The following OR14A2 variants were observed in gnomAD, a reference collection of about 807,000 sequenced individuals.
OR14A2 encodes olfactory receptor family 14 subfamily A member 2, also known as olfactory receptor 14A2.
For missense variants in OR14A2, 237 were observed against 152.9 expected, an observed-to-expected ratio of 1.55 and a Z score of -2.90; for synonymous variants, 114 against 58.6, an observed-to-expected ratio of 1.95 and a Z score of -4.32.
the OR14A2 span, among the ~76,000 whole-genome samples, chr1:247,741,279 T>G: frequency 4.3e-3 from 656 of 152,352 alleles, 1 homozygote; most frequent in African/African-American, 0.015. Context: ...ATCTAATGCC[T>G]GCATGGAAAG....
exon 1 of OR14A2, chr1:247,723,166 T>C: frequency 1.4e-6 from 1 of 717,702 alleles, no homozygotes; most frequent in African/African-American, 1.7e-5. Flanking sequence ...TTTCATGTCA[T>C]TGTTCCGCAG....
exon 1 of OR14A2, chr1:247,723,157 T>G (rs1660240287): frequency 1.4e-6 from 1 of 717,636 alleles, no homozygotes. Context: ...CAGAGCACAT[T>G]TCATGTCATT....
the OR14A2 span, chr1:247,739,608 A>G: frequency 8.5e-6 from 6 of 707,234 alleles, no homozygotes; most frequent in Non-Finnish European, 1.6e-5. Context: ...TTGTTCTGCC[A>G]TCCACTAGCT....
At chr1:247,727,830 G>T (rs569403113), upstream of OR14A2, among the ~76,000 whole-genome samples, 909 of 148,444 alleles carry the variant, frequency 6.1e-3, 4 homozygotes, top group Non-Finnish European at 9.4e-3. Context: ...TAGAAGAAAT[G>T]GATAAATTCC....
chr1:247,727,710 A>G (rs1660410602), upstream of OR14A2, among the ~76,000 whole-genome samples: 1 of 148,200 alleles, frequency 6.7e-6, no homozygotes, highest in African/African-American at 2.6e-5. Context: ...AGAAGAATCA[A>G]ATAGACACAA....
the OR14A2 span, among the ~76,000 whole-genome samples, chr1:247,745,938 G>A: frequency 6.6e-6 from 1 of 152,212 alleles, no homozygotes; most frequent in African/African-American, 2.4e-5. Flanking sequence ...TCTTTCCAAG[G>A]GCAGGATGGT....
chr1:247,734,418 A>T, the OR14A2 span, among the ~76,000 whole-genome samples: 2 of 152,202 alleles, frequency 1.3e-5, no homozygotes, highest in African/African-American at 4.8e-5. Context: ...GTATTTTGTC[A>T]TGGCAGCCTA....
At chr1:247,737,518 A>G in the OR14A2 span, among the ~76,000 whole-genome samples, 115 of 152,056 alleles carry the variant, frequency 7.6e-4, 1 homozygote, top group Admixed American at 5.0e-3. Flanking sequence ...TGGCTGCCCC[A>G]AACTTAAAGC....
chr1:247,738,977 T>A, the OR14A2 span: 1 of 780,660 alleles, frequency 1.3e-6, no homozygotes, highest in Admixed American at 1.7e-5. Flanking sequence ...ATGACCGCTA[T>A]GCTGCCATCT....
At chr1:247,723,379 G>C in exon 1 of OR14A2, 1 of 717,580 alleles carries the variant, frequency 1.4e-6, no homozygotes, top group South Asian at 1.5e-5. Flanking sequence ...CTTCAGTACA[G>C]TGGAGAAGAT....
the OR14A2 span, among the ~76,000 whole-genome samples, chr1:247,734,721 G>A: frequency 6.5e-4 from 99 of 152,208 alleles, no homozygotes; most frequent in African/African-American, 2.3e-3. Flanking sequence ...GTCCTATGGG[G>A]CTGGATGTCA....
chr1:247,740,071 A>G, the OR14A2 span, among the ~76,000 whole-genome samples: 3 of 152,312 alleles, frequency 2.0e-5, no homozygotes, highest in Non-Finnish European at 2.9e-5. Flanking sequence ...AAGTTTTCCT[A>G]TGACAACTTC....
the OR14A2 span, among the ~76,000 whole-genome samples, chr1:247,741,580 AGAGT>A: frequency 3.3e-5 from 5 of 152,234 alleles, no homozygotes; most frequent in Non-Finnish European, 7.3e-5. Flanking sequence ...GCAACCATAC[AGAGT>A]GAGTGATAAA....
chr1:247,725,621 G>A (rs58144292), upstream of OR14A2, among the ~76,000 whole-genome samples: 16,210 of 142,038 alleles, frequency 0.11, 1,597 homozygotes, highest in African/African-American at 0.27. Context: ...ATGCTGGTGC[G>A]CTGCACCCAC....
At chr1:247,730,029 G>T in the OR14A2 span, among the ~76,000 whole-genome samples, 97 of 152,032 alleles carry the variant, frequency 6.4e-4, 1 homozygote, top group East Asian at 0.015. Flanking sequence ...GTAAATATAG[G>T]TAATAGTTTA....
At chr1:247,738,265 G>T in the OR14A2 span, among the ~76,000 whole-genome samples, 12,143 of 152,140 alleles carry the variant, frequency 0.08, 601 homozygotes, top group African/African-American at 0.14. Context: ...ACATGAAAAT[G>T]TATGCCCTAT....
the OR14A2 span, among the ~76,000 whole-genome samples, chr1:247,745,642 T>G: frequency 1.3e-5 from 2 of 151,982 alleles, no homozygotes; most frequent in African/African-American, 4.8e-5. Flanking sequence ...GGACCTAAAT[T>G]TTCTAATATA....
exon 1 of OR14A2, chr1:247,723,477 T>G: frequency 1.4e-6 from 1 of 717,728 alleles, no homozygotes; most frequent in Admixed American, 2.0e-5. Flanking sequence ...CCATTAGTGT[T>G]TCAGAACAGG....
upstream of OR14A2, among the ~76,000 whole-genome samples, chr1:247,725,297 G>T (rs1176734224): frequency 2.0e-5 from 3 of 151,960 alleles, no homozygotes; most frequent in Non-Finnish European, 4.4e-5. Flanking sequence ...CGGACATTTG[G>T]ATCACATGTG....
Sources: allele counts gnomAD v4.1 joint callset (sites outside exome capture counted in the v4.1 genomes callset), GRCh38; gene constraint gnomAD v4.1.1; transcripts MANE v1.5; gene names NCBI Gene and HGNC (gene_info 2026-07-23, HGNC 2026-07-21).